ZNF808: variants seen among roughly 807,000 people sequenced by gnomAD.
The protein encoded by ZNF808 is zinc finger protein 808.
Under a neutral mutation model 8.7 loss-of-function variants are expected in ZNF808, and 5 were observed. The observed-to-expected ratio is 0.58, with a 90% CI of 0.30 to 1.21. The LOEUF (loss-of-function observed/expected upper bound fraction) is 1.21, where lower values mean the gene tolerates loss of function less well. Among genes scored for constraint, ZNF808 ranks in the 50% most tolerant of loss-of-function variants. ZNF808 has a pLI of 0.07. For synonymous variants in ZNF808, 380 were observed against 366.0 expected, an observed-to-expected ratio of 1.04 and a Z score of -0.44; for missense variants, 1,103 against 1,098.4, an observed-to-expected ratio of 1.00 and a Z score of -0.06.
intron 3 of ZNF808, among the ~76,000 whole-genome samples, chr19:52,547,103 A>G (rs1226072449): frequency 6.6e-6 from 1 of 151,886 alleles, no homozygotes; most frequent in South Asian, 2.1e-4. Flanking sequence ...GCCTGCCACC[A>G]TGTCCGTCTA....
chr19:52,553,995 G>A lies in ZNF808; in HGVS notation c.1079G>A (p.Arg360His), dbSNP rs376107911. 6.2e-6 allele frequency: 10 copies of A among 1,614,036 alleles called. No individual in the cohort carries two copies. The highest frequency in any genetic ancestry group is 2.7e-5 in the African/African-American group (2 of 74,998). The change falls in exon 5 of 5, where the codon CGC becomes CAC. Residue 360 changes from arginine (R) to histidine (H), a missense_variant. Transcript: ENST00000359798. The stretch of plus-strand genomic sequence containing the variant: ...TTTAATCAACAATCACACCTTTCAC[G>A]CCATCAAAGACTTCATACTGGAGTG... ...KAFNQQSHLS[R>H]HQRLHTGVKP...
downstream of ZNF808, among the ~76,000 whole-genome samples, chr19:52,561,239 T>TATATATAC (rs1422204520): frequency 1.7e-4 from 23 of 133,500 alleles, no homozygotes; most frequent in African/African-American, 6.4e-4. Context: ...TATATATATA[T>TATATATAC]ACACTTTTTT....
downstream of ZNF808, among the ~76,000 whole-genome samples, chr19:52,565,539 G>A (rs1172267404): frequency 6.6e-6 from 1 of 152,164 alleles, no homozygotes; most frequent in Non-Finnish European, 1.5e-5. Flanking sequence ...TAAACTGAGA[G>A]CTTATCTTCA....
rs75830912 is a variant in ZNF808 at position 52,554,672 on chromosome 19, C to G, written c.1756C>G (p.Arg586Gly). 6.2e-7 allele frequency: 1 copy of G among 1,613,930 alleles called. No homozygotes were observed. Among genetic ancestry groups the G allele is most frequent in the Non-Finnish European group, 8.5e-7 (1 of 1,179,972 alleles). ...TCAACAATCACATCTTTCACGTCAT[C>G]GTAGACTTCATACTGGAGAGAAACC... ...FNQQSHLSRH[R>G]RLHTGEKPYK... Residue 586 changes from arginine to glycine, a missense_variant, in exon 5 of 5, where the codon CGT becomes GGT. Transcript: ENST00000359798.
Position 52,554,081 on chromosome 19 carries a change from CAT to C in ZNF808, c.1167_1168del (p.Thr390Ter). 1.2e-6 allele frequency: 2 copies of C among 1,614,076 alleles called. No individual in the cohort carries two copies. Among genetic ancestry groups the C allele is most frequent in the Non-Finnish European group, 1.7e-6 (2 of 1,179,996 alleles). ...TGCGTGTCATTCCTATCTGGCAAAC[CAT>C]ACTAGAATTCATAGTGGAGAGAAAA... Reference protein sequence around the residue: ...AFACHSYLANHTRIHSGEKTY... With the variant: ...AFACHSYLANXTRIHSGEKTY... On this transcript the variant is annotated frameshift_variant, in exon 5 of 5. Coordinates refer to ENST00000359798, the MANE Select transcript of ZNF808 (RefSeq NM_001039886.4). LOFTEE classifies it low-confidence loss of function (END_TRUNC).
downstream of ZNF808, among the ~76,000 whole-genome samples, chr19:52,567,951 G>A (rs930956337): frequency 6.6e-6 from 1 of 152,250 alleles, no homozygotes; most frequent in Non-Finnish European, 1.5e-5. Context: ...CTGTAAGTCA[G>A]TAGGAAATTA....
In ZNF808 at chr19:52,555,017, C is replaced by T; in HGVS notation, c.2101C>T (p.His701Tyr). The T allele has an allele frequency of 4.3e-6, 7 of 1,613,792 alleles. No individual in the cohort carries two copies. Among genetic ancestry groups the T allele is most frequent in the Non-Finnish European group, 5.9e-6 (7 of 1,179,970 alleles). Reference protein sequence around the residue: ...RSYVAKHTRIHSGMKPYKCNE... With the variant: ...RSYVAKHTRIYSGMKPYKCNE... ...CTATGTGGCAAAACATACTAGAATTCACAGTGGAATGAAACCTTACAAGTG... is the reference window on the plus strand; with the variant it reads ...CTATGTGGCAAAACATACTAGAATTTACAGTGGAATGAAACCTTACAAGTG... The change falls in exon 5 of 5, where the codon CAC (histidine) becomes TAC (tyrosine). Residue 701 changes from histidine (H) to tyrosine (Y), a missense_variant. Physicochemically the swap from His to Tyr is moderately conservative, Grantham distance 83. Transcript: ENST00000359798.
rs767823561 is a variant in ZNF808 at position 52,553,337 on chromosome 19, C to A, written c.421C>A (p.Gln141Lys). The A allele has an allele frequency of 2.5e-6, 4 of 1,614,034 alleles. No homozygotes were observed. Among genetic ancestry groups the A allele is most frequent in the Admixed American group, 1.7e-5 (1 of 60,002 alleles). ...KIKKLTGSTD[Q>K]HDHRHAGNKP... ...AAAAAAGTTGACTGGTAGCACAGAC[C>A]AACATGATCACAGGCATGCTGGAAA... Residue 141 changes from glutamine to lysine, a missense_variant, in exon 5 of 5, where the codon CAA becomes AAA. Gln to Lys is a moderately conservative substitution (Grantham distance 53). Transcript: ENST00000359798.
Position 52,555,127 on chromosome 19 carries a change from T to C in ZNF808, c.2211T>C (p.Cys737=). 6.2e-7 allele frequency: 1 copy of C among 1,614,144 alleles called. No homozygotes were observed. Among genetic ancestry groups the C allele is most frequent in the South Asian group, 1.1e-5 (1 of 91,086 alleles). ...ATAGTGGTGAGAAACCTTACAAGTG[T>C]AGTGAGTGCAGCAAGACGTTCAGTC... ...RIHSGEKPYK[C]SECSKTFSQK... is the part of the protein sequence containing the mutation. Residue 737 remains cysteine (C), a synonymous_variant, in exon 5 of 5, where the codon TGT becomes TGC. Coordinates refer to ENST00000359798, the MANE Select transcript of ZNF808 (RefSeq NM_001039886.4).
At chr19:52,552,353 G>A (rs1863277121) in intron 4 of ZNF808, among the ~76,000 whole-genome samples, 1 of 151,478 alleles carries the variant, frequency 6.6e-6, no homozygotes, top group African/African-American at 2.4e-5. Context: ...TGCCTGTTCT[G>A]TGTAGATATA....
At chr19:52,559,414 C>T (rs1475197242), downstream of ZNF808, among the ~76,000 whole-genome samples, 1 of 152,124 alleles carries the variant, frequency 6.6e-6, no homozygotes, top group Non-Finnish European at 1.5e-5. Flanking sequence ...CCTGCTGACC[C>T]TCTCTCCACT....
intron 2 of ZNF808, among the ~76,000 whole-genome samples, chr19:52,541,901 A>C (rs1453868948): frequency 6.6e-6 from 1 of 151,736 alleles, no homozygotes; most frequent in African/African-American, 2.4e-5. Flanking sequence ...GGCTTTCTAA[A>C]CCCCCAAACA....
intron 2 of ZNF808, among the ~76,000 whole-genome samples, chr19:52,540,687 G>C (rs1179352185): frequency 6.6e-6 from 1 of 152,074 alleles, no homozygotes; most frequent in African/African-American, 2.4e-5. Flanking sequence ...TACAGATGTT[G>C]AAGGATGGGC....
intron 1 of ZNF808, among the ~76,000 whole-genome samples, chr19:52,530,239 T>C (rs964294763): frequency 3.9e-5 from 6 of 152,110 alleles, no homozygotes; most frequent in African/African-American, 1.4e-4. Context: ...TTTGTGTTTT[T>C]AGTAGAGACG....
chr19:52,541,396 G>A (rs2059669299), intron 2 of ZNF808, among the ~76,000 whole-genome samples: 1 of 152,010 alleles, frequency 6.6e-6, no homozygotes, highest in South Asian at 2.1e-4. Context: ...TTCTAGAGGA[G>A]GAAGACCAAG....
intron 1 of ZNF808, among the ~76,000 whole-genome samples, chr19:52,530,527 GT>G (rs2059552140): frequency 6.6e-6 from 1 of 152,132 alleles, no homozygotes; most frequent in Admixed American, 6.5e-5. Flanking sequence ...GCCAGGCATG[GT>G]GGCAGATGCC....
downstream of ZNF808, chr19:52,556,787 T>C (rs2059838995): frequency 6.6e-6 from 1 of 151,978 alleles, no homozygotes; most frequent in Admixed American, 6.6e-5. Flanking sequence ...AATAAAAAAA[T>C]GTATTTTAAC....
At chr19:52,549,408 G>A (rs1359451784) in intron 4 of ZNF808, among the ~76,000 whole-genome samples, 1 of 152,094 alleles carries the variant, frequency 6.6e-6, no homozygotes, top group African/African-American at 2.4e-5. Context: ...CTACACAGGG[G>A]ATATTGTTGA....
At position 52,553,613 on chromosome 19, in the gene ZNF808, T is replaced by A; in HGVS notation, c.697T>A (p.Cys233Ser). Residue 233 changes from cysteine (C) to serine (S), a missense_variant, in exon 5 of 5, where the codon TGT becomes AGT. By Grantham distance (112) the Cys-to-Ser change is moderately radical. Transcript: ENST00000359798. The part of the protein sequence containing the change: ...EVHMREKSFP[C>S]NESGKAFNCS... ...ACACATGAGAGAAAAATCTTTCCCA[T>A]GTAATGAGAGTGGCAAAGCCTTTAA... The A allele has an allele frequency of 6.2e-7, 1 of 1,614,190 alleles. No individual in the cohort carries two copies. Among genetic ancestry groups the A allele is most frequent in the Non-Finnish European group, 8.5e-7 (1 of 1,180,034 alleles).
Sources: allele counts gnomAD v4.1 joint callset (sites outside exome capture counted in the v4.1 genomes callset), GRCh38; gene constraint gnomAD v4.1.1; transcripts MANE v1.5; gene names NCBI Gene and HGNC (gene_info 2026-07-23, HGNC 2026-07-21).